IFT52: variants seen among roughly 807,000 people sequenced by gnomAD.
The protein encoded by IFT52 is intraflagellar transport protein 52 homolog.
In IFT52, 44 loss-of-function variants were observed where a neutral mutation model predicts 54.4. That is an observed-to-expected ratio of 0.81 (90% CI 0.63 to 1.04). The LOEUF (loss-of-function observed/expected upper bound fraction) is 1.04. Ranked by LOEUF, IFT52 falls within the 50% of genes least tolerant of loss-of-function variation. The pLI, the probability that IFT52 is intolerant of heterozygous loss-of-function variation, is 0.00. For synonymous variants in IFT52, 181 were observed against 185.3 expected (o/e 0.98, Z 0.19); for missense variants, 452 against 523.6 (o/e 0.86, Z 1.33).
intron 11 of IFT52, among the ~76,000 whole-genome samples, chr20:43,636,907 G>C (rs1985573116): frequency 6.6e-6 from 1 of 152,138 alleles, no homozygotes; most frequent in Non-Finnish European, 1.5e-5. Context: ...AATGGGTGAG[G>C]GTAGACGAGG....
chr20:43,600,747 G>T (rs1982377447), intron 3 of IFT52, among the ~76,000 whole-genome samples: 1 of 152,092 alleles, frequency 6.6e-6, no homozygotes, highest in South Asian at 2.1e-4. Flanking sequence ...GAGGCGGGTG[G>T]AACACCAGAC....
At chr20:43,595,316 CAAAAAAAAAA>C (rs34012263) in intron 2 of IFT52, among the ~76,000 whole-genome samples, 1 of 62,918 alleles carries the variant, frequency 1.6e-5, no homozygotes, top group Non-Finnish European at 2.9e-5. Flanking sequence ...GACTCCGTCT[CAAAAAAAAAA>C]AAAAAAAAAA....
chr20:43,592,032 G>C (rs1981566463), intron 1 of IFT52, among the ~76,000 whole-genome samples: 1 of 152,138 alleles, frequency 6.6e-6, no homozygotes, highest in Admixed American at 6.6e-5. Context: ...GATGAATTGG[G>C]GTCAGGCAGC....
At chr20:43,615,435 G>T (rs1983784286) in intron 7 of IFT52, among the ~76,000 whole-genome samples, 1 of 152,038 alleles carries the variant, frequency 6.6e-6, no homozygotes, top group Admixed American at 6.6e-5. Context: ...TTTTTTCTAG[G>T]GACCTAGGTG....
intron 6 of IFT52, among the ~76,000 whole-genome samples, chr20:43,611,372 C>T (rs1032772858): frequency 7.7e-4 from 116 of 150,440 alleles, no homozygotes; most frequent in African/African-American, 2.6e-3. Flanking sequence ...TATTCATTCA[C>T]ATGGTTTGGA....
At chr20:43,593,280 T>C (rs2145577817) in intron 1 of IFT52, among the ~76,000 whole-genome samples, 1 of 152,286 alleles carries the variant, frequency 6.6e-6, no homozygotes, top group East Asian at 1.9e-4. Flanking sequence ...TTTTGGCCCT[T>C]TATTGGCAAA....
intron 3 of IFT52, among the ~76,000 whole-genome samples, chr20:43,601,450 CTTACGTGTA>C (rs1258542124): frequency 1.3e-5 from 2 of 152,226 alleles, no homozygotes; most frequent in Admixed American, 6.5e-5. Flanking sequence ...AAGGGTCTCA[CTTACGTGTA>C]TAGCTGGAAA....
chr20:43,597,014 T>C (rs1229648738), intron 3 of IFT52, among the ~76,000 whole-genome samples: 1 of 151,338 alleles, frequency 6.6e-6, no homozygotes, highest in African/African-American at 2.4e-5. Flanking sequence ...GTGCTGGGAT[T>C]ACAGGTGTGA....
At chr20:43,639,236 CAAAAAAA>C (rs1226726402) in intron 12 of IFT52, among the ~76,000 whole-genome samples, 6 of 133,428 alleles carry the variant, frequency 4.5e-5, no homozygotes, top group African/African-American at 1.7e-4. Context: ...CCCATCTCTA[CAAAAAAA>C]AAAAAAAAAA....
chr20:43,595,675 C>G (rs1981901068), intron 2 of IFT52, among the ~76,000 whole-genome samples: 1 of 152,072 alleles, frequency 6.6e-6, no homozygotes, highest in Admixed American at 6.6e-5. Context: ...CACTAGAGGT[C>G]AAGAGTTGGC....
At position 43,647,001 on chromosome 20, in the gene IFT52, G is replaced by A. The variant is rs1286302497; in HGVS notation, c.*18G>A. 1.9e-6 allele frequency: 3 copies of A among 1,606,020 alleles called. No homozygotes were observed. The highest frequency in any genetic ancestry group is 2.6e-6 in the Non-Finnish European group (3 of 1,173,132). On this transcript the variant is annotated 3_prime_UTR_variant, in exon 14 of 14. Transcript: ENST00000373030. The stretch of plus-strand genomic sequence containing the variant: ...ATTTCTGAAGACCATGCCTCTTGAA[G>A]CTTTTTCTGCCTCCTGATTCTCTCT...
intron 10 of IFT52, chr20:43,624,249 G>A (rs1984558353): frequency 3.4e-6 from 2 of 583,900 alleles, no homozygotes; most frequent in Non-Finnish European, 6.0e-6. Flanking sequence ...TAGCCCCTGC[G>A]TGTTCCAGAT....
chr20:43,616,945 C>T (rs544261892), intron 7 of IFT52, among the ~76,000 whole-genome samples: 2 of 151,250 alleles, frequency 1.3e-5, no homozygotes, highest in African/African-American at 4.9e-5. Context: ...CCCAGGAGTT[C>T]GAGGCTGCAG....
At chr20:43,615,665 G>T (rs547904540) in intron 7 of IFT52, among the ~76,000 whole-genome samples, 3 of 152,076 alleles carry the variant, frequency 2.0e-5, no homozygotes, top group Admixed American at 2.0e-4. Flanking sequence ...TTGACCAGGC[G>T]TAGTGGCTCA....
In IFT52 at chr20:43,603,656, T is replaced by C. The variant is rs530300012; in HGVS notation, c.208-104T>C. The C allele has an allele frequency of 2.6e-4, 267 of 1,037,102 alleles. 2 individuals are homozygous for C. In the South Asian group the frequency reaches 3.7e-3, roughly 14 times the overall value. The allele number at this position is 1,037,102 out of a possible 1,614,324, so 64.2% of individuals were successfully genotyped here. ...TATACATTTATATGTAAATGCCTTATAGATTTGAAATATGTATTTTTCATC... is the reference window on the plus strand; with the variant it reads ...TATACATTTATATGTAAATGCCTTACAGATTTGAAATATGTATTTTTCATC... On this transcript the variant is annotated intron_variant, in intron 3 of 13. Transcript: ENST00000373030.
intron 1 of IFT52, among the ~76,000 whole-genome samples, chr20:43,593,314 T>C (rs1981681104): frequency 6.6e-6 from 1 of 152,094 alleles, no homozygotes; most frequent in South Asian, 2.1e-4. Context: ...GGAAATAGGA[T>C]TGTGTGGAAA....
intron 10 of IFT52, 83 bp from the exon 11 acceptor site, chr20:43,635,843 T>G: frequency 1.5e-4 from 181 of 1,226,430 alleles, no homozygotes; most frequent in Non-Finnish European, 2.0e-4. Flanking sequence ...CTGTATTTCA[T>G]GGAGAACAAC....
intron 12 of IFT52, among the ~76,000 whole-genome samples, chr20:43,641,361 C>T (rs572555475): frequency 2.6e-5 from 4 of 152,210 alleles, no homozygotes; most frequent in South Asian, 4.2e-4. Context: ...CCTCAGCCTT[C>T]CTGAGTAGCT....
chr20:43,591,971 G>A (rs905498277), intron 1 of IFT52, among the ~76,000 whole-genome samples: 25 of 152,150 alleles, frequency 1.6e-4, no homozygotes, highest in Admixed American at 1.4e-3. Flanking sequence ...TTATATATAG[G>A]GATTTATTAT....
Sources: allele counts gnomAD v4.1 joint callset (sites outside exome capture counted in the v4.1 genomes callset), GRCh38; gene constraint gnomAD v4.1.1; transcripts MANE v1.5; gene names NCBI Gene and HGNC (gene_info 2026-07-23, HGNC 2026-07-21).